Variants in HUWE1 observed in about 807,000 individuals in gnomAD.
HUWE1 encodes the protein E3 ubiquitin-protein ligase HUWE1.
HUWE1 carries 18 observed loss-of-function variants against 299.4 expected under a neutral mutation model. The observed-to-expected ratio is 0.06, with a 90% CI of 0.04 to 0.09. The LOEUF (loss-of-function observed/expected upper bound fraction) is 0.09, where lower values mean the gene tolerates loss of function less well. HUWE1 is among the 10% of genes least tolerant of loss of function. HUWE1 has a pLI of 1.00. For missense variants in HUWE1, 1,832 were observed against 3,462.3 expected (o/e 0.53, Z 11.82); for synonymous variants, 1,317 against 1,286.1 (o/e 1.02, Z -0.51).
intron 45 of HUWE1, 51 bp downstream of exon 45, chrX:53,575,592 C>CA: frequency 1.8e-6 from 2 of 1,135,614 alleles, no homozygotes; most frequent in Non-Finnish European, 2.4e-6. Context: ...TGAGACCACA[C>CA]AGGCATTGAA....
intron 17 of HUWE1, chrX:53,625,571 T>C (rs1603181155): frequency 2.2e-5 from 5 of 224,882 alleles, no homozygotes; most frequent in Non-Finnish European, 4.0e-5. Context: ...ACATGGCTGT[T>C]TTGATAATCA....
chrX:53,552,707 G>A lies in HUWE1; in HGVS notation c.8681C>T (p.Pro2894Leu), dbSNP rs1556930377. The A allele has an allele frequency of 8.3e-7, 1 of 1,211,988 alleles. No individual in the cohort carries two copies. ...RAGSSTPGDA[P>L]PAVAEVQGRS... ...GCCTTGCACTTCCGCCACAGCTGGT[G>A]GGGCATCCCCAGGAGTGGAGCTGCC... The change falls in exon 62 of 84, where the codon CCA becomes CTA. Residue 2894 changes from proline to leucine, a missense_variant. By Grantham distance (98) the Pro-to-Leu change is moderately conservative (BLOSUM62 -3). This residue lies in a region of HUWE1 where 143 missense variants were observed against 148.1 expected (regional missense o/e 0.97). Coordinates refer to ENST00000262854, the MANE Select transcript of HUWE1 (RefSeq NM_031407.7).
At chrX:53,674,432 G>A (rs1012512451) in intron 3 of HUWE1, among the ~76,000 whole-genome samples, 14 of 111,579 alleles carry the variant, frequency 1.3e-4, no homozygotes, top group African/African-American at 4.6e-4. Flanking sequence ...TTAACTTTCA[G>A]GATACTCTAC....
chrX:53,648,284 G>C lies in HUWE1; in HGVS notation c.72C>G (p.Asp24Glu), dbSNP rs375073885. The part of the protein sequence containing the change: ...EAPADCRALI[D>E]KLKVCNDEQL... ...GCTCATCATTACAAACTTTGAGTTT[G>C]TCTATTAAGGCTCTGCAGTCTGCAG... The change falls in exon 5 of 84, where the codon GAC (aspartate) becomes GAG (glutamate). Residue 24 changes from aspartate (D) to glutamate (E), a missense_variant. Around this residue, in one of 15 missense-constraint regions of HUWE1, gnomAD observed 658 missense variants for 1,282.6 expected, o/e 0.51. Coordinates refer to ENST00000262854, the MANE Select transcript of HUWE1 (RefSeq NM_031407.7). The C allele has an allele frequency of 1.4e-4, 164 of 1,191,047 alleles. No individual in the cohort carries two copies. The highest frequency in any genetic ancestry group is 1.8e-4 in the Non-Finnish European group (161 of 878,363).
chrX:53,656,542 C>CAAAAAA (rs1275218246), intron 3 of HUWE1, among the ~76,000 whole-genome samples: 2 of 13,726 alleles, frequency 1.5e-4, no homozygotes, highest in Non-Finnish European at 3.2e-4. Flanking sequence ...ACTCCAGTCT[C>CAAAAAA]AAAAAAAAAA....
chrX:53,602,662 C>A lies in HUWE1; in HGVS notation c.2877-4G>T. The A allele has an allele frequency of 1.9e-6, 2 of 1,053,101 alleles. No individual in the cohort carries two copies. The highest frequency in any genetic ancestry group is 2.6e-6 in the Non-Finnish European group (2 of 754,978). 86.8% of individuals were successfully genotyped at this position (1,053,101 alleles called of 1,213,427 possible). Reference sequence around the variant, plus strand: ...AAATTCACACCCAGATGGTAGGCTGCAAAAAGAGAAATGCTGAGCAAAAGA... The same window carrying A: ...AAATTCACACCCAGATGGTAGGCTGAAAAAAGAGAAATGCTGAGCAAAAGA... On this transcript the variant is annotated splice_region_variant and splice_polypyrimidine_tract_variant and intron_variant, in intron 27 of 83. Transcript: ENST00000262854.
chrX:53,570,142 C>T (rs2062753696), intron 47 of HUWE1, among the ~76,000 whole-genome samples: 1 of 112,201 alleles, frequency 8.9e-6, no homozygotes, highest in Non-Finnish European at 1.9e-5. Context: ...AAGATGAGGT[C>T]TTGCTATATT....
rs1182628612 is a variant in HUWE1, at chrX:53,549,304, C to T, written c.9690G>A (p.Leu3230=). ...ATAGCTCACTCTCACTGCTGCGCTGCAAGATGGAGAGCAGACTGCGGATGA... is the reference window on the plus strand; with the variant it reads ...ATAGCTCACTCTCACTGCTGCGCTGTAAGATGGAGAGCAGACTGCGGATGA... ...HWVIRSLLSI[L]QRSSESELCI... The change falls in exon 67 of 84, where the codon TTG becomes TTA. Residue 3230 remains leucine (L), a synonymous_variant. Coordinates refer to ENST00000262854, the MANE Select transcript of HUWE1 (RefSeq NM_031407.7). 57 of 1,210,110 alleles carry T rather than the reference C, an allele frequency of 4.7e-5. No individual in the cohort carries two copies. Among genetic ancestry groups the T allele is most frequent in the Non-Finnish European group, 6.1e-5 (55 of 895,220 alleles).
At chrX:53,680,447 C>CA (rs1357598920) in intron 2 of HUWE1, 10 of 154,871 alleles carry the variant, frequency 6.5e-5, no homozygotes, top group Non-Finnish European at 9.8e-5. Context: ...TTATAGAAGA[C>CA]AGTTTATTTT....
At chrX:53,585,626 T>C (rs1232178630) in intron 39 of HUWE1, among the ~76,000 whole-genome samples, 1 of 112,388 alleles carries the variant, frequency 8.9e-6, no homozygotes, top group Non-Finnish European at 1.9e-5. Context: ...TGTCACCAGA[T>C]GTGGTCCCTT....
chrX:53,676,109 T>C (rs1014586246), intron 3 of HUWE1, among the ~76,000 whole-genome samples: 1 of 111,185 alleles, frequency 9.0e-6, no homozygotes, highest in African/African-American at 3.3e-5. Flanking sequence ...ACCTAAAGGG[T>C]CCAGACACAT....
At chrX:53,663,234 CA>C (rs1244935778) in intron 3 of HUWE1, among the ~76,000 whole-genome samples, 1 of 112,198 alleles carries the variant, frequency 8.9e-6, no homozygotes, top group Non-Finnish European at 1.9e-5. Flanking sequence ...AATGTTGGGC[CA>C]GGGGCAGTAG....
intron 72 of HUWE1, among the ~76,000 whole-genome samples, chrX:53,544,209 G>A (rs2061464070): frequency 8.9e-6 from 1 of 111,869 alleles, no homozygotes; most frequent in African/African-American, 3.2e-5. Flanking sequence ...GGGACAGGAG[G>A]AAAGAGGTAG....
rs781849820 is a variant in HUWE1 at position 53,537,495 on chromosome X, G to A, written c.12137+61C>T. The A allele has an allele frequency of 1.5e-5, 17 of 1,143,322 alleles. No homozygotes were observed. In the South Asian group the frequency reaches 2.0e-4, roughly 14 times the overall value. 94.2% of individuals were successfully genotyped at this position (1,143,322 alleles called of 1,213,427 possible). On this transcript the variant is annotated intron_variant, in intron 78 of 83. Transcript: ENST00000262854. ...AAATTTGAGGCTAGAGCAAGCCATC[G>A]CTACTGTGCAGGAGGCCCCACCTCC...
intron 43 of HUWE1, among the ~76,000 whole-genome samples, chrX:53,579,009 C>T (rs1172748402): frequency 1.4e-5 from 1 of 69,702 alleles, no homozygotes; most frequent in African/African-American, 6.0e-5. Context: ...CCCGGCCAGC[C>T]GCCCCGTCCG....
In HUWE1 at chrX:53,539,785, T is replaced by G; in HGVS notation, c.11504A>C (p.Lys3835Thr). 2 of 1,210,738 alleles carry G rather than the reference T, an allele frequency of 1.7e-6. No homozygotes were observed. The highest frequency in any genetic ancestry group is 1.8e-5 in the South Asian group (1 of 56,653). The change falls in exon 75 of 84, where the codon AAG becomes ACG. Residue 3835 changes from lysine to threonine, a missense_variant. Coordinates refer to ENST00000262854, the MANE Select transcript of HUWE1 (RefSeq NM_031407.7). ...CTCAGGTGGTCTTTCTTCCTTTTCC[T>G]TCTCCCCCTGTGGGGTTCCATCGGA... is the stretch of plus-strand genomic sequence containing the variant. ...IASDGTPQGE[K>T]EKEERPPELP...
At chrX:53,606,532 C>T (rs6638408) in intron 25 of HUWE1, among the ~76,000 whole-genome samples, 44,826 of 110,747 alleles carry the variant, frequency 0.4, 8,024 homozygotes, top group Non-Finnish European at 0.54. Flanking sequence ...TCCATGTTCA[C>T]AGCATCATTA....
intron 4 of HUWE1, among the ~76,000 whole-genome samples, chrX:53,650,037 C>CT (rs1307792231): frequency 8.9e-6 from 1 of 111,735 alleles, no homozygotes; most frequent in Non-Finnish European, 1.9e-5. Context: ...TAGCTGACAC[C>CT]TAAGTCAGTC....
chrX:53,583,055 A>G (rs1556969447), intron 42 of HUWE1, among the ~76,000 whole-genome samples: 1 of 112,380 alleles, frequency 8.9e-6, no homozygotes, highest in East Asian at 2.8e-4. Flanking sequence ...TTCCTAAAAT[A>G]TAATAACCTG....
Sources: allele counts gnomAD v4.1 joint callset (sites outside exome capture counted in the v4.1 genomes callset), GRCh38; gene constraint gnomAD v4.1.1; regional missense constraint gnomAD v4.1.1; transcripts MANE v1.5; gene names NCBI Gene and HGNC (gene_info 2026-07-23, HGNC 2026-07-21).